Variants in THSD4 observed in about 807,000 individuals in gnomAD.
THSD4 encodes thrombospondin type-1 domain-containing protein 4.
THSD4 carries 69 observed loss-of-function variants against 119.0 expected under a neutral mutation model. The ratio of observed to expected loss-of-function variants is 0.58; its 90% confidence interval spans 0.48 to 0.71. The LOEUF is 0.71. Ranked by LOEUF, THSD4 falls within the 30% of genes least tolerant of loss-of-function variation. THSD4 has a pLI of 0.00. For synonymous variants in THSD4, 524 were observed against 540.4 expected, an observed-to-expected ratio of 0.97 and a Z score of 0.42; for missense variants, 1,393 against 1,391.1, an observed-to-expected ratio of 1.00 and a Z score of -0.02.
chr15:71,558,299 G>A (rs756613981), intron 7 of THSD4, among the ~76,000 whole-genome samples: 1 of 152,202 alleles, frequency 6.6e-6, no homozygotes, highest in Non-Finnish European at 1.5e-5. Context: ...TTGCACTCCA[G>A]CCTGGGTGAC....
At chr15:71,674,769 G>A (rs977864085) in intron 8 of THSD4, among the ~76,000 whole-genome samples, 3 of 152,150 alleles carry the variant, frequency 2.0e-5, no homozygotes, top group Admixed American at 2.0e-4. Flanking sequence ...GCAGAGAAGG[G>A]GGGAGGCGGG....
chr15:71,381,745 T>C (rs192274928), intron 6 of THSD4, among the ~76,000 whole-genome samples: 24 of 152,336 alleles, frequency 1.6e-4, no homozygotes, highest in Admixed American at 7.2e-4. Context: ...TAACTGAAAT[T>C]ATGACTGCTG....
At chr15:71,666,518 AAT>A (rs2051420222) in intron 8 of THSD4, among the ~76,000 whole-genome samples, 1 of 152,116 alleles carries the variant, frequency 6.6e-6, no homozygotes, top group African/African-American at 2.4e-5. Flanking sequence ...ACACATATAT[AAT>A]ACTTCAGTCT....
chr15:71,686,720 G>A (rs1344709300), intron 8 of THSD4, among the ~76,000 whole-genome samples: 1 of 152,178 alleles, frequency 6.6e-6, no homozygotes, highest in Non-Finnish European at 1.5e-5. Flanking sequence ...CTCTGTGGGG[G>A]GAAGCAGTAG....
chr15:71,600,558 A>G (rs2049986750), intron 7 of THSD4, among the ~76,000 whole-genome samples: 1 of 152,178 alleles, frequency 6.6e-6, no homozygotes, highest in Non-Finnish European at 1.5e-5. Context: ...AATCACACCC[A>G]ACCATTTTCA....
rs550481557 is a variant in THSD4 at position 71,390,040 on chromosome 15, T to G, written c.1016-21647T>G. 8.8e-4 allele frequency among the ~76,000 whole-genome samples: 134 copies of G among 152,212 alleles called. 3 individuals carry two copies. The South Asian group carries it at 0.026, about 30-fold the overall frequency. ...GGCTGGTCTTGAACTCCTGACTTTG[T>G]GATCCGCCCACCTCAGCCTCTCAAA... On this transcript the variant is annotated intron_variant, in intron 6 of 17. Coordinates refer to ENST00000261862, the MANE Select transcript of THSD4 (RefSeq NM_024817.3).
intron 4 of THSD4, among the ~76,000 whole-genome samples, chr15:71,229,895 A>G (rs949571064): frequency 2.6e-5 from 4 of 152,230 alleles, no homozygotes; most frequent in African/African-American, 7.2e-5. Flanking sequence ...AAGTGGGTAC[A>G]TAGGCAGTGA....
At chr15:71,361,288 A>T (rs1035659279) in intron 6 of THSD4, among the ~76,000 whole-genome samples, 1 of 152,208 alleles carries the variant, frequency 6.6e-6, no homozygotes. Context: ...TGCTGTGATC[A>T]TGTCACTTTG....
Position 71,357,666 on chromosome 15 carries a change from A to C in THSD4, c.1016-54021A>C, listed in dbSNP as rs541851466. 5.3e-5 allele frequency among the ~76,000 whole-genome samples: 8 copies of C among 152,282 alleles called. No homozygotes were observed. In the South Asian group the frequency reaches 1.7e-3, roughly 32 times the overall value. On this transcript the variant is annotated intron_variant, in intron 6 of 17. Coordinates refer to ENST00000261862, the MANE Select transcript of THSD4 (RefSeq NM_024817.3). ...GTCTTGGGCAGAATCCAGCAACCGG[A>C]GTCCTTTCTGGCAGAGGAAGGGGAG...
At chr15:71,572,878 T>TG (rs1472405399) in intron 7 of THSD4, among the ~76,000 whole-genome samples, 1 of 152,102 alleles carries the variant, frequency 6.6e-6, no homozygotes, top group Non-Finnish European at 1.5e-5. Context: ...AAAGGGAGCC[T>TG]GGCAGGGTTA....
intron 8 of THSD4, among the ~76,000 whole-genome samples, chr15:71,669,031 G>T (rs1012567052): frequency 6.6e-6 from 1 of 152,084 alleles, no homozygotes; most frequent in African/African-American, 2.4e-5. Flanking sequence ...CTTGGCAGAA[G>T]AATTTGTAGG....
At chr15:71,684,517 CTTTTT>C (rs11357397) in intron 8 of THSD4, among the ~76,000 whole-genome samples, 1 of 145,960 alleles carries the variant, frequency 6.9e-6, no homozygotes, top group Non-Finnish European at 1.5e-5. Flanking sequence ...ATCTTGTAAT[CTTTTT>C]TTTTTTTTAC....
intron 3 of THSD4, among the ~76,000 whole-genome samples, chr15:71,200,341 T>C (rs548089508): frequency 6.6e-6 from 1 of 152,274 alleles, no homozygotes; most frequent in South Asian, 2.1e-4. Flanking sequence ...GATTGGCTTC[T>C]CACTGGTGGT....
At chr15:71,337,710 C>T (rs1383449771) in intron 6 of THSD4, among the ~76,000 whole-genome samples, 3 of 136,038 alleles carry the variant, frequency 2.2e-5, no homozygotes, top group Non-Finnish European at 5.0e-5. Flanking sequence ...AGATGAGGCT[C>T]TGCCTGAACA....
chr15:71,272,441 A>AGG (rs1435706302), intron 6 of THSD4, among the ~76,000 whole-genome samples: 2 of 139,030 alleles, frequency 1.4e-5, no homozygotes, highest in African/African-American at 5.3e-5. Flanking sequence ...GTGGGGAGGG[A>AGG]GGGGCAAAGG....
At chr15:71,158,438 C>T (rs2043222234) in intron 3 of THSD4, among the ~76,000 whole-genome samples, 1 of 152,138 alleles carries the variant, frequency 6.6e-6, no homozygotes, top group Non-Finnish European at 1.5e-5. Context: ...CAGGTGGGAG[C>T]CACCGCGCCT....
At chr15:71,400,580 T>A (rs1385202186) in intron 6 of THSD4, among the ~76,000 whole-genome samples, 2 of 152,222 alleles carry the variant, frequency 1.3e-5, no homozygotes, top group Admixed American at 6.5e-5. Flanking sequence ...GGCGCTGCTG[T>A]GGCTCTGACT....
rs558250806 is a variant in THSD4, at chr15:71,411,739, C to T, written c.1068C>T (p.Phe356=). 21 of 1,614,124 alleles carry T rather than the reference C, an allele frequency of 1.3e-5. No individual in the cohort carries two copies. The East Asian group carries it at 3.8e-4, about 29-fold the overall frequency. The change falls in exon 7 of 18, where the codon TTC becomes TTT. Residue 356 remains phenylalanine, a synonymous_variant. Coordinates refer to ENST00000261862, the MANE Select transcript of THSD4 (RefSeq NM_024817.3). ...ELNCQAMGYR[F]YVRQAEKVID... The stretch of plus-strand genomic sequence containing the variant: ...ACTGCCAGGCAATGGGCTACCGCTT[C>T]TATGTACGGCAAGCTGAGAAAGTCA...
intron 14 of THSD4, among the ~76,000 whole-genome samples, chr15:71,756,772 C>T (rs747957084): frequency 2.7e-4 from 41 of 152,120 alleles, no homozygotes; most frequent in Middle Eastern, 3.4e-3. Flanking sequence ...GGTGACAAAG[C>T]GAGAACCTGT....
Sources: gnomAD v4.1 joint callset for allele counts (sites outside exome capture counted in the v4.1 genomes callset) on GRCh38, gnomAD v4.1.1 for gene constraint, MANE v1.5 for transcripts, NCBI Gene and HGNC (gene_info 2026-07-23, HGNC 2026-07-21) for gene names.